The following BCAN variants were observed in gnomAD, a reference collection of about 807,000 sequenced individuals.
BCAN encodes brevican core protein.
BCAN carries 51 observed loss-of-function variants against 92.4 expected under a neutral mutation model. The observed-to-expected ratio is 0.55, with a 90% CI of 0.44 to 0.70. The LOEUF (loss-of-function observed/expected upper bound fraction) is 0.70, where lower values mean the gene tolerates loss of function less well. BCAN is among the 30% of genes least tolerant of loss of function. BCAN has a pLI of 0.00. For missense variants in BCAN, 1,140 were observed against 1,212.1 expected (o/e 0.94, Z 0.88); for synonymous variants, 501 against 505.2 (o/e 0.99, Z 0.11).
In BCAN at chr1:156,647,663, C is replaced by T; in HGVS notation, c.622C>T (p.Leu208=). The change falls in exon 4 of 14, where the codon CTG becomes TTG. Residue 208 remains leucine, a synonymous_variant. Transcript: ENST00000329117. This position sits in a 1 kb window ranked among gnomAD's most constrained non-coding sequence, Gnocchi z 4.8. ...CTATGAGCAATGTGATGCTGGCTGG[C>T]TGTCGGATCAGACCGTGAGGTGGGC... ...GGYEQCDAGW[L]SDQTVRYPIQ... 1 of 1,597,800 alleles carries T rather than the reference C, an allele frequency of 6.3e-7. No individual in the cohort carries two copies.
In BCAN at chr1:156,647,897, G is replaced by A. The variant is rs1436360244; in HGVS notation, c.642-86G>A. On this transcript the variant is annotated intron_variant, in intron 4 of 13. Coordinates refer to ENST00000329117, the MANE Select transcript of BCAN (RefSeq NM_021948.5). This position sits in a 1 kb window ranked among gnomAD's most constrained non-coding sequence, Gnocchi z 4.8. Reference sequence around the variant, plus strand: ...AGCTGTCAGCAAGTGTCTGCACTGTGGTGGCAGTGGGGTTCAATAGAATCA... The same window carrying A: ...AGCTGTCAGCAAGTGTCTGCACTGTAGTGGCAGTGGGGTTCAATAGAATCA... The A allele has an allele frequency of 6.3e-7, 1 of 1,583,942 alleles. No homozygotes were observed. Among genetic ancestry groups the A allele is most frequent in the East Asian group, 2.2e-5 (1 of 44,616 alleles).
chr1:156,657,642 G>A (rs747924393), intron 10 of BCAN, 33 bp from the exon 11 acceptor site: 66 of 1,573,114 alleles, frequency 4.2e-5, no homozygotes, highest in Non-Finnish European at 5.2e-5. Context: ...ATCTGCTGGC[G>A]GCTGCGCTCA....
intron 6 of BCAN, chr1:156,649,943 C>G (rs772574195): frequency 1.9e-6 from 1 of 518,822 alleles, no homozygotes; most frequent in Non-Finnish European, 3.8e-6. Flanking sequence ...CAGCTTTTGC[C>G]ATGGGAACCC....
In BCAN at chr1:156,647,637, G is replaced by A; in HGVS notation, c.596G>A (p.Gly199Asp). The stretch of plus-strand genomic sequence containing the variant: ...CAGCTCTATGCCGCCTACCTTGGGG[G>A]CTATGAGCAATGTGATGCTGGCTGG... ...PEQLYAAYLG[G>D]YEQCDAGWLS... is the part of the protein sequence containing the mutation. The change falls in exon 4 of 14, where the codon GGC becomes GAC. Residue 199 changes from glycine to aspartate, a missense_variant. By Grantham distance (94) the Gly-to-Asp change is moderately conservative (BLOSUM62 -1). Transcript: ENST00000329117. This position sits in a 1 kb window ranked among gnomAD's most constrained non-coding sequence, Gnocchi z 4.8. 1.2e-6 allele frequency: 2 copies of A among 1,609,682 alleles called. No individual in the cohort carries two copies. The highest frequency in any genetic ancestry group is 1.1e-5 in the South Asian group (1 of 90,670).
chr1:156,649,318 A>T (rs542258371), intron 6 of BCAN, among the ~76,000 whole-genome samples: 26 of 152,300 alleles, frequency 1.7e-4, no homozygotes, highest in African/African-American at 6.3e-4. Context: ...ACTACCAAAT[A>T]CTGGTGGATG....
intron 2 of BCAN, 111 bp from the exon 3 acceptor site, chr1:156,646,683 GGGGGGCC>G (rs1310636471): frequency 6.9e-7 from 1 of 1,449,362 alleles, no homozygotes; most frequent in Non-Finnish European, 9.1e-7. Flanking sequence ...CCTGGTCCTA[GGGGGGCC>G]GGGGAATCCT....
rs1400757456 is a variant in BCAN at position 156,659,060 on chromosome 1, G to A, written c.2662G>A (p.Gly888Arg). 2 of 1,601,846 alleles carry A rather than the reference G, an allele frequency of 1.2e-6. No individual in the cohort carries two copies. Among genetic ancestry groups the A allele is most frequent in the South Asian group, 1.1e-5 (1 of 88,182 alleles). The change falls in exon 14 of 14, where the codon GGA (glycine) becomes AGA (arginine). Residue 888 changes from glycine to arginine, a missense_variant. Gly to Arg is a moderately radical substitution (Grantham distance 125, BLOSUM62 -2). Coordinates refer to ENST00000329117, the MANE Select transcript of BCAN (RefSeq NM_021948.5). The part of the protein sequence containing the change: ...RALHPEEDPE[G>R]RQGRLLGRWK... ...TCTGCACCCAGAGGAGGACCCAGAA[G>A]GACGTCAGGGGAGGCTACTGGGACG...
chr1:156,646,977 G>A lies in BCAN; in HGVS notation c.268G>A (p.Val90Met). ...TFLSRGREAE[V>M]LVARGVRVKV... ...CCTGTCCCGGGGCCGGGAGGCAGAG[G>A]TGCTGGTGGCGCGGGGAGTGCGCGT... The change falls in exon 3 of 14, where the codon GTG (valine) becomes ATG (methionine). Residue 90 changes from valine (V) to methionine (M), a missense_variant. Transcript: ENST00000329117. 6.2e-7 allele frequency: 1 copy of A among 1,612,980 alleles called. No individual in the cohort carries two copies. Among genetic ancestry groups the A allele is most frequent in the Non-Finnish European group, 8.5e-7 (1 of 1,179,606 alleles).
chr1:156,656,265 T>G lies in BCAN; in HGVS notation c.1943-17T>G. 1 of 1,470,048 alleles carries G rather than the reference T, an allele frequency of 6.8e-7. No individual in the cohort carries two copies. Among genetic ancestry groups the G allele is most frequent in the Non-Finnish European group, 8.9e-7 (1 of 1,120,296 alleles). The allele number at this position is 1,470,048 out of a possible 1,614,324, so 91.1% of individuals were successfully genotyped here. A position where few individuals can be genotyped will look rare whatever the true frequency, so the allele number is the denominator to read the frequency against. ...GGCTGCCTCGCTCCCCCCGCCTCAC[T>G]TCTTTCCCCCTCTCAGGTGACTGTG... On this transcript the variant is annotated splice_polypyrimidine_tract_variant and intron_variant, in intron 8 of 13. Coordinates refer to ENST00000329117, the MANE Select transcript of BCAN (RefSeq NM_021948.5).
At chr1:156,646,639 A>C in intron 2 of BCAN, 162 bp from the exon 3 acceptor site, 1 of 1,210,754 alleles carries the variant, frequency 8.3e-7, no homozygotes, top group South Asian at 1.7e-5. Flanking sequence ...ACCTAGAGGT[A>C]GGGCTGCAGG....
At chr1:156,645,411 T>C (rs186514579) in intron 1 of BCAN, among the ~76,000 whole-genome samples, 2 of 152,240 alleles carry the variant, frequency 1.3e-5, no homozygotes, top group Admixed American at 6.5e-5. Context: ...AGGAGTTTCC[T>C]TACAAATAAT....
Position 156,658,961 on chromosome 1 carries a change from G to A in BCAN, c.2629-66G>A. On this transcript the variant is annotated intron_variant, in intron 13 of 13. Transcript: ENST00000329117. This position sits in a 1 kb window ranked among gnomAD's most constrained non-coding sequence, Gnocchi z 4.4. ...TCTTACGGGCTGAGCAAGAACATCA[G>A]AGGGCAGGCTCTGAGGAGAGGAGAA... The A allele has an allele frequency of 6.9e-7, 1 of 1,449,666 alleles. No individual in the cohort carries two copies. Among genetic ancestry groups the A allele is most frequent in the Non-Finnish European group, 9.4e-7 (1 of 1,059,338 alleles). The allele number at this position is 1,449,666 out of a possible 1,614,324, so 89.8% of individuals were successfully genotyped here.
rs1328123116 is a variant in BCAN at position 156,657,054 on chromosome 1, C to T, written c.2167C>T (p.Leu723=). ...ETQCRMYGAH[L]ASISTPEEQD... is the part of the protein sequence containing the mutation. ...CCAGTGCCGGATGTACGGCGCGCAT[C>T]TGGCCAGCATCAGCACACCCGAGGA... Residue 723 remains leucine (L), a synonymous_variant, in exon 10 of 14, where the codon CTG becomes TTG. Coordinates refer to ENST00000329117, the MANE Select transcript of BCAN (RefSeq NM_021948.5). 1.9e-6 allele frequency: 3 copies of T among 1,614,240 alleles called. No individual in the cohort carries two copies. The highest frequency in any genetic ancestry group is 1.7e-6 in the Non-Finnish European group (2 of 1,180,028).
At chr1:156,657,837 G>T in intron 11 of BCAN, 80 bp downstream of exon 11, 2 of 689,642 alleles carry the variant, frequency 2.9e-6, no homozygotes, top group Non-Finnish European at 4.0e-6. Flanking sequence ...CACCCCTCCC[G>T]ACCCTGTCCC....
At chr1:156,648,149 A>T in intron 5 of BCAN, 39 bp downstream of exon 5, 2 of 1,600,296 alleles carry the variant, frequency 1.2e-6, no homozygotes, top group Non-Finnish European at 1.7e-6. Flanking sequence ...ACAATTTCCT[A>T]CTCCCATGCT....
Position 156,658,461 on chromosome 1 carries a change from C to A in BCAN, c.2438-82C>A, listed in dbSNP as rs748072627. On this transcript the variant is annotated intron_variant, in intron 12 of 13. Coordinates refer to ENST00000329117, the MANE Select transcript of BCAN (RefSeq NM_021948.5). This position sits in a 1 kb window ranked among gnomAD's most constrained non-coding sequence, Gnocchi z 4.4. ...CTGATCTTTTTTTGTCATGTTGTGG[C>A]CCATTTTTCTCTTCCCCATGGAGAT... The A allele has an allele frequency of 9.8e-6, 15 of 1,524,370 alleles. No individual in the cohort carries two copies. The highest frequency in any genetic ancestry group is 1.2e-5 in the Non-Finnish European group (13 of 1,129,166). 94.4% of individuals were successfully genotyped at this position (1,524,370 alleles called of 1,614,324 possible).
intron 10 of BCAN, chr1:156,657,378 T>G: frequency 1.8e-6 from 1 of 559,620 alleles, no homozygotes; most frequent in Non-Finnish European, 3.1e-6. Context: ...CCAACCTCCC[T>G]GCTCTCCGAC....
intron 6 of BCAN, chr1:156,649,886 A>G (rs1557988382): frequency 1.9e-6 from 1 of 519,026 alleles, no homozygotes; most frequent in Non-Finnish European, 3.8e-6. Flanking sequence ...GAAGGAGCAG[A>G]CACAGCCTTG....
rs1678985396 is a variant in BCAN at position 156,646,730 on chromosome 1, G to T, written c.92-71G>T. The T allele has an allele frequency of 1.6e-5, 24 of 1,502,760 alleles. No homozygotes were observed. The South Asian group carries it at 3.0e-4, about 19-fold the overall frequency. The allele number at this position is 1,502,760 out of a possible 1,614,324, so 93.1% of individuals were successfully genotyped here. A position where few individuals can be genotyped will look rare whatever the true frequency, so the allele number is the denominator to read the frequency against. On this transcript the variant is annotated intron_variant, in intron 2 of 13. Coordinates refer to ENST00000329117, the MANE Select transcript of BCAN (RefSeq NM_021948.5). ...CCGGAAGGAGGGATCCTGGAGCGGG[G>T]CTTGGAGGCCACCGGGTGGGACTCT...
Sources: allele counts gnomAD v4.1 joint callset (sites outside exome capture counted in the v4.1 genomes callset), GRCh38; gene constraint gnomAD v4.1.1; non-coding constraint Gnocchi (gnomAD v3.1); transcripts MANE v1.5; gene names NCBI Gene and HGNC (gene_info 2026-07-23, HGNC 2026-07-21).